DOCK7: variants seen among roughly 807,000 people sequenced by gnomAD.
The protein encoded by DOCK7 is dedicator of cytokinesis protein 7.
A neutral mutation model predicts 271.0 loss-of-function variants in DOCK7; 138 were observed. That is an observed-to-expected ratio of 0.51 (90% CI 0.44 to 0.59). DOCK7 has a LOEUF of 0.59. DOCK7 is among the 20% of genes least tolerant of loss of function. The pLI is 0.00. For synonymous variants in DOCK7, 823 were observed against 876.1 expected (o/e 0.94, Z 1.07); for missense variants, 2,066 against 2,592.4 (o/e 0.80, Z 4.41).
intron 7 of DOCK7, chr1:62,641,350 A>T (rs1655999506): frequency 1.2e-5 from 5 of 404,304 alleles, no homozygotes; most frequent in Non-Finnish European, 2.4e-5. Context: ...TCAGGCACAC[A>T]ACCTTGAGGG....
intron 41 of DOCK7, among the ~76,000 whole-genome samples, chr1:62,491,425 A>C (rs1646461723): frequency 6.6e-6 from 1 of 152,264 alleles, no homozygotes; most frequent in Non-Finnish European, 1.5e-5. Context: ...ATGGTTTAAG[A>C]AGGTAAGCAT....
chr1:62,593,117 G>A (rs998924847), intron 14 of DOCK7, among the ~76,000 whole-genome samples: 6 of 152,186 alleles, frequency 3.9e-5, no homozygotes, highest in African/African-American at 1.4e-4. Flanking sequence ...TATATATCAT[G>A]AGCTATTATA....
chr1:62,547,478 G>A (rs961059822), intron 22 of DOCK7, among the ~76,000 whole-genome samples: 1 of 151,972 alleles, frequency 6.6e-6, no homozygotes, highest in Non-Finnish European at 1.5e-5. Context: ...TAAGATCCTT[G>A]AGCAAGGCCC....
chr1:62,583,325 T>C, intron 15 of DOCK7, 71 bp from the exon 16 acceptor site: 2 of 1,379,644 alleles, frequency 1.4e-6, no homozygotes, highest in Non-Finnish European at 2.0e-6. Flanking sequence ...ATGTAAGAAT[T>C]TGTCTGATTT....
intron 18 of DOCK7, among the ~76,000 whole-genome samples, chr1:62,575,513 C>A (rs936268836): frequency 2.0e-5 from 3 of 152,110 alleles, no homozygotes; most frequent in African/African-American, 7.2e-5. Context: ...ATTTAACATA[C>A]GAAATACATG....
chr1:62,575,438 C>G (rs1040143129), intron 18 of DOCK7, among the ~76,000 whole-genome samples: 1 of 151,966 alleles, frequency 6.6e-6, no homozygotes, highest in Non-Finnish European at 1.5e-5. Context: ...ATTTTCTGTG[C>G]CTTATGATTT....
At chr1:62,620,957 A>G (rs1270040754) in intron 12 of DOCK7, among the ~76,000 whole-genome samples, 5 of 151,872 alleles carry the variant, frequency 3.3e-5, no homozygotes, top group African/African-American at 1.2e-4. Context: ...AGAGAAAAAT[A>G]AGAACACAGA....
rs769479387 is a variant in DOCK7 at position 62,597,858 on chromosome 1, G to A, written c.1683-11234C>T. The A allele has an allele frequency of 6.9e-6, 11 of 1,599,108 alleles. No individual in the cohort carries two copies. The Admixed American group carries it at 1.9e-4, about 28-fold the overall frequency. ...CAGTGAAATCAAAGAAGAAGAAAAG[G>A]AACTGAGAAGAACTACATATAAACT... is the stretch of plus-strand genomic sequence containing the variant. On this transcript the variant is annotated intron_variant, in intron 14 of 49. Transcript: ENST00000635253.
intron 16 of DOCK7, 143 bp from the exon 17 acceptor site, chr1:62,579,109 C>A (rs1647031882): frequency 2.6e-6 from 2 of 784,214 alleles, no homozygotes. Context: ...TATCCCCAAT[C>A]TCTAAATAAC....
intron 12 of DOCK7, among the ~76,000 whole-genome samples, chr1:62,621,104 T>TGAG (rs1276743197): frequency 6.7e-6 from 1 of 148,828 alleles, no homozygotes; most frequent in Non-Finnish European, 1.5e-5. Flanking sequence ...CTGGCTAAGG[T>TGAG]GAGGAGGAGA....
At chr1:62,685,113 ATACT>A (rs761502631) in intron 1 of DOCK7, among the ~76,000 whole-genome samples, 41 of 152,236 alleles carry the variant, frequency 2.7e-4, no homozygotes, top group Non-Finnish European at 5.0e-4. Flanking sequence ...AAAACAGTTG[ATACT>A]TACTAGGCAC....
rs575269017 is a variant in DOCK7 at position 62,639,262 on chromosome 1, T to C, written c.819-2659A>G. Among the ~76,000 whole-genome samples the C allele has an allele frequency of 8.9e-4, 135 of 152,124 alleles. 2 individuals carry two copies. The highest frequency in any genetic ancestry group is 3.2e-3 in the African/African-American group (132 of 41,494). ...TAAACAAAAGCAAATCAAAGTGAAA[T>C]GCTAATTTACTTATTCAGAAAATTA... is the stretch of plus-strand genomic sequence containing the variant. On this transcript the variant is annotated intron_variant, in intron 7 of 49. Coordinates refer to ENST00000635253, the MANE Select transcript of DOCK7 (RefSeq NM_001367561.1).
chr1:62,543,820 T>C (rs1645614026), intron 23 of DOCK7, 75 bp from the exon 24 acceptor site: 2 of 1,035,088 alleles, frequency 1.9e-6, no homozygotes, highest in Non-Finnish European at 2.9e-6. Flanking sequence ...TGATGGATTA[T>C]GTACAAGTTT....
chr1:62,539,863 A>G lies in DOCK7; in HGVS notation c.3075T>C (p.Phe1025=). ...TCCTTGGAGCCTCAAGTTTATCATTAAAGTATAAATGGTGCACCATGCTCT... is the reference window on the plus strand; with the variant it reads ...TCCTTGGAGCCTCAAGTTTATCATTGAAGTATAAATGGTGCACCATGCTCT... ...MVKSMVHHLY[F]NDKLEAPRKS... Residue 1025 remains phenylalanine, a synonymous_variant, in exon 26 of 50, where the codon TTT becomes TTC. Coordinates refer to ENST00000635253, the MANE Select transcript of DOCK7 (RefSeq NM_001367561.1). The G allele has an allele frequency of 6.2e-7, 1 of 1,612,772 alleles. No individual in the cohort carries two copies. Among genetic ancestry groups the G allele is most frequent in the Non-Finnish European group, 8.5e-7 (1 of 1,179,160 alleles).
chr1:62,556,632 A>C (rs536469319), intron 20 of DOCK7, among the ~76,000 whole-genome samples: 2 of 152,230 alleles, frequency 1.3e-5, no homozygotes, highest in African/African-American at 4.8e-5. Context: ...TGTAACAATA[A>C]TTTTACAAAA....
At chr1:62,628,365 T>G (rs1210918935) in intron 11 of DOCK7, 1 of 151,968 alleles carries the variant, frequency 6.6e-6, no homozygotes, top group Non-Finnish European at 1.5e-5. Context: ...TACAGATCAG[T>G]GGAATGGGAT....
intron 14 of DOCK7, chr1:62,601,036 T>A: frequency 9.2e-7 from 1 of 1,088,714 alleles, no homozygotes; most frequent in Non-Finnish European, 1.4e-6. Context: ...CCCCTAATTG[T>A]ATATTCAGTA....
At chr1:62,582,255 A>C (rs1647149768) in intron 16 of DOCK7, among the ~76,000 whole-genome samples, 1 of 152,196 alleles carries the variant, frequency 6.6e-6, no homozygotes, top group Admixed American at 6.5e-5. Context: ...TTAAAACAAT[A>C]AGATTATAAA....
At chr1:62,511,013 TTC>T (rs1199066398) in intron 33 of DOCK7, 1 of 203,324 alleles carries the variant, frequency 4.9e-6, no homozygotes, top group Admixed American at 5.7e-5. Context: ...GCTTACCGCT[TTC>T]TGTTATCCTT....
Sources: allele counts gnomAD v4.1 joint callset (sites outside exome capture counted in the v4.1 genomes callset), GRCh38; gene constraint gnomAD v4.1.1; transcripts MANE v1.5; gene names NCBI Gene and HGNC (gene_info 2026-07-23, HGNC 2026-07-21).